TMEM154: variants seen among roughly 807,000 people sequenced by gnomAD.
The protein encoded by TMEM154 is transmembrane protein 154.
A neutral mutation model predicts 24.5 loss-of-function variants in TMEM154; 27 were observed. The ratio of observed to expected loss-of-function variants is 1.10; its 90% confidence interval spans 0.81 to 1.52. The LOEUF (loss-of-function observed/expected upper bound fraction) is 1.52, where lower values mean the gene tolerates loss of function less well. Ranked by LOEUF, TMEM154 falls within the 40% of genes most tolerant of loss-of-function variation. The pLI is 0.00. For synonymous variants in TMEM154, 67 were observed against 76.8 expected (o/e 0.87, Z 0.67); for missense variants, 228 against 213.4 (o/e 1.07, Z -0.43).
chr4:152,648,859 G>A (rs1201775773), intron 3 of TMEM154, among the ~76,000 whole-genome samples: 1 of 152,140 alleles, frequency 6.6e-6, no homozygotes, highest in Non-Finnish European at 1.5e-5. Context: ...CATGGTTTGG[G>A]GAAGGAAATT....
At chr4:152,649,769 G>T (rs1330247931) in intron 3 of TMEM154, among the ~76,000 whole-genome samples, 1 of 152,142 alleles carries the variant, frequency 6.6e-6, no homozygotes, top group African/African-American at 2.4e-5. Context: ...TCCTCATCTG[G>T]ATTAGGGTCA....
intron 6 of TMEM154, among the ~76,000 whole-genome samples, chr4:152,633,099 A>C (rs1405487251): frequency 6.6e-6 from 1 of 152,248 alleles, no homozygotes; most frequent in African/African-American, 2.4e-5. Context: ...TCCAAAACAA[A>C]CTTTAAATTT....
intron 6 of TMEM154, among the ~76,000 whole-genome samples, chr4:152,632,134 T>C (rs752661613): frequency 2.0e-5 from 3 of 152,188 alleles, no homozygotes; most frequent in Admixed American, 1.3e-4. Context: ...ATATGATTTC[T>C]GACTTGTGTG....
At chr4:152,664,868 G>A (rs190704439) in intron 1 of TMEM154, among the ~76,000 whole-genome samples, 69 of 152,294 alleles carry the variant, frequency 4.5e-4, no homozygotes, top group Middle Eastern at 6.8e-3. Context: ...TAACTGACAT[G>A]TTTGAATTTC....
At chr4:152,654,412 T>C (rs574286494) in intron 1 of TMEM154, among the ~76,000 whole-genome samples, 1 of 152,378 alleles carries the variant, frequency 6.6e-6, no homozygotes, top group East Asian at 1.9e-4. Context: ...GCCAATTCAA[T>C]AGTTCATCTA....
At chr4:152,661,301 T>C (rs1426592607) in intron 1 of TMEM154, among the ~76,000 whole-genome samples, 61 of 109,880 alleles carry the variant, frequency 5.6e-4, no homozygotes, top group African/African-American at 2.3e-3. Context: ...TCTCTCTCTC[T>C]CTCTCTCTCT....
At chr4:152,643,223 T>C in intron 4 of TMEM154, 50 bp from the exon 5 acceptor site, 1 of 1,332,748 alleles carries the variant, frequency 7.5e-7, no homozygotes, top group Non-Finnish European at 1.1e-6. Flanking sequence ...GAAAGATGCC[T>C]AATTTCATTT....
At position 152,628,267 on chromosome 4, in the gene TMEM154, T is replaced by A. The variant is rs1751952409; in HGVS notation, c.*279A>T. On this transcript the variant is annotated 3_prime_UTR_variant, in exon 7 of 7. Coordinates refer to ENST00000304385, the MANE Select transcript of TMEM154 (RefSeq NM_152680.3). Reference sequence around the variant, plus strand: ...TTGGCTGAGAGGAGGCAACACATGTTGATCAGAAGTGAGCACATCACCCGC... The same window carrying A: ...TTGGCTGAGAGGAGGCAACACATGTAGATCAGAAGTGAGCACATCACCCGC... The A allele has an allele frequency of 1.9e-6, 1 of 519,816 alleles. No individual in the cohort carries two copies. Among genetic ancestry groups the A allele is most frequent in the Non-Finnish European group, 3.4e-6 (1 of 297,152 alleles). 32.2% of individuals were successfully genotyped at this position (519,816 alleles called of 1,614,324 possible). A position where few individuals can be genotyped will look rare whatever the true frequency, so the allele number is the denominator to read the frequency against.
At chr4:152,632,534 G>A (rs1416576029) in intron 6 of TMEM154, among the ~76,000 whole-genome samples, 1 of 152,156 alleles carries the variant, frequency 6.6e-6, no homozygotes, top group African/African-American at 2.4e-5. Context: ...AAGATGACTG[G>A]GTTGAATTTA....
At chr4:152,630,392 C>A (rs1445157178) in intron 6 of TMEM154, among the ~76,000 whole-genome samples, 1 of 150,884 alleles carries the variant, frequency 6.6e-6, no homozygotes, top group East Asian at 2.0e-4. Flanking sequence ...AATGTTTCAT[C>A]TGAAGAGTAG....
At chr4:152,677,745 C>T (rs1174692385) in intron 1 of TMEM154, among the ~76,000 whole-genome samples, 1 of 152,224 alleles carries the variant, frequency 6.6e-6, no homozygotes, top group East Asian at 1.9e-4. Context: ...CATTCCAACA[C>T]TACCTGTTTT....
chr4:152,650,778 A>G (rs968878580), intron 3 of TMEM154, among the ~76,000 whole-genome samples: 15 of 152,250 alleles, frequency 9.9e-5, no homozygotes, highest in Admixed American at 6.5e-4. Context: ...TCCTTAATCC[A>G]TGGGCTGCAG....
intron 1 of TMEM154, among the ~76,000 whole-genome samples, chr4:152,656,104 T>A (rs1728486109): frequency 6.6e-6 from 1 of 152,146 alleles, no homozygotes; most frequent in Admixed American, 6.5e-5. Context: ...CACCCTCATG[T>A]ACCAGCTACA....
chr4:152,634,204 C>A (rs1185505900), intron 6 of TMEM154, among the ~76,000 whole-genome samples: 1 of 152,140 alleles, frequency 6.6e-6, no homozygotes, highest in Non-Finnish European at 1.5e-5. Context: ...ACTGATGCAA[C>A]TGTAATACCT....
chr4:152,662,299 A>T (rs985341896), intron 1 of TMEM154, among the ~76,000 whole-genome samples: 1 of 152,166 alleles, frequency 6.6e-6, no homozygotes, highest in Non-Finnish European at 1.5e-5. Context: ...CAGTTTCCAC[A>T]TAATGAGAAT....
chr4:152,652,957 C>T (rs905148459), intron 1 of TMEM154, 30 bp from the exon 2 acceptor site: 5 of 1,551,954 alleles, frequency 3.2e-6, no homozygotes, highest in Non-Finnish European at 4.3e-6. Flanking sequence ...ATTGAAATTT[C>T]CATGGAGACA....
At chr4:152,641,139 T>C in intron 5 of TMEM154, 154 bp from the exon 6 acceptor site, 4 of 586,202 alleles carry the variant, frequency 6.8e-6, no homozygotes. Flanking sequence ...AAAAGATTAA[T>C]GATGTCAAGG....
chr4:152,637,564 T>G lies in TMEM154; in HGVS notation c.536+3364A>C, dbSNP rs139577057. The stretch of plus-strand genomic sequence containing the variant: ...CAGTCTCGAAAAAAAAAAATTAAGA[T>G]AAAAATAAAACCTAGCTAGGTGGTT... On this transcript the variant is annotated intron_variant, in intron 6 of 6. Transcript: ENST00000304385. Among the ~76,000 whole-genome samples, 5 of 152,106 alleles carry G rather than the reference T, an allele frequency of 3.3e-5. No homozygotes were observed. The East Asian group carries it at 9.7e-4, about 29-fold the overall frequency.
At chr4:152,635,808 C>T (rs759293624) in intron 6 of TMEM154, among the ~76,000 whole-genome samples, 1 of 152,194 alleles carries the variant, frequency 6.6e-6, no homozygotes, top group Non-Finnish European at 1.5e-5. Context: ...CTTACTATTG[C>T]TGTAATTATT....
Sources: allele counts gnomAD v4.1 joint callset (sites outside exome capture counted in the v4.1 genomes callset), GRCh38; gene constraint gnomAD v4.1.1; transcripts MANE v1.5; gene names NCBI Gene and HGNC (gene_info 2026-07-23, HGNC 2026-07-21).